The following OS9 variants were observed in gnomAD, a reference collection of about 807,000 sequenced individuals.
The protein encoded by OS9 is OS9 endoplasmic reticulum lectin.
In OS9, 58 loss-of-function variants were observed where a neutral mutation model predicts 84.7. The observed-to-expected ratio is 0.68, with a 90% CI of 0.55 to 0.85. The LOEUF (loss-of-function observed/expected upper bound fraction) is 0.85, where lower values mean the gene tolerates loss of function less well. OS9 is among the 40% of genes least tolerant of loss of function. OS9 has a pLI of 0.00. For synonymous variants in OS9, 278 were observed against 320.8 expected, an observed-to-expected ratio of 0.87 and a Z score of 1.43; for missense variants, 760 against 850.9, an observed-to-expected ratio of 0.89 and a Z score of 1.33.
intron 9 of OS9, among the ~76,000 whole-genome samples, chr12:57,717,240 T>C (rs1954525998): frequency 1.3e-5 from 2 of 152,220 alleles, no homozygotes; most frequent in South Asian, 4.1e-4. Context: ...CCATCTCTCC[T>C]ACCAGAGTGT....
At position 57,719,165 on chromosome 12, in the gene OS9, C is replaced by T. The variant is rs530822607; in HGVS notation, c.1583C>T (p.Pro528Leu). Residue 528 changes from proline to leucine, a missense_variant, in exon 12 of 15, where the codon CCA (proline) becomes CTA (leucine). By Grantham distance (98) the Pro-to-Leu change is moderately conservative. Coordinates refer to ENST00000315970, the MANE Select transcript of OS9 (RefSeq NM_006812.4). The part of the protein sequence containing the change: ...KKRVVPKKPP[P>L]SPQPTEEDPE... ...AGGGTTGTCCCCAAAAAGCCTCCCCCATCACCCCAACCTACAGGTGAGAGC... is the reference window on the plus strand; with the variant it reads ...AGGGTTGTCCCCAAAAAGCCTCCCCTATCACCCCAACCTACAGGTGAGAGC... 59 of 1,614,082 alleles carry T rather than the reference C, an allele frequency of 3.7e-5. No homozygotes were observed. The East Asian group carries it at 1.0e-3, about 29-fold the overall frequency.
chr12:57,709,373 A>T (rs745950450), intron 5 of OS9, among the ~76,000 whole-genome samples: 1 of 152,126 alleles, frequency 6.6e-6, no homozygotes, highest in Non-Finnish European at 1.5e-5. Context: ...CATTTTCATT[A>T]TGGTTTCTAC....
intron 5 of OS9, among the ~76,000 whole-genome samples, chr12:57,704,240 A>G (rs1000192750): frequency 4.6e-5 from 7 of 152,176 alleles, no homozygotes; most frequent in African/African-American, 4.8e-5. Context: ...ATCTATATGT[A>G]TAAAAGATAT....
intron 4 of OS9, 25 bp from the exon 5 acceptor site, chr12:57,696,250 C>A: frequency 6.4e-7 from 1 of 1,558,130 alleles, no homozygotes; most frequent in Non-Finnish European, 8.8e-7. Flanking sequence ...TCATGTCCCC[C>A]ATTCCTGCCT....
intron 5 of OS9, among the ~76,000 whole-genome samples, chr12:57,704,975 A>G (rs1197111464): frequency 6.6e-6 from 1 of 152,192 alleles, no homozygotes; most frequent in Non-Finnish European, 1.5e-5. Context: ...CCTATTTTCC[A>G]CAGTTGCCCC....
chr12:57,702,671 T>C (rs1954060271), intron 5 of OS9, among the ~76,000 whole-genome samples: 1 of 152,224 alleles, frequency 6.6e-6, no homozygotes, highest in South Asian at 2.1e-4. Flanking sequence ...AGCAGTTGCA[T>C]CATTTTACAT....
intron 10 of OS9, 87 bp from the exon 11 acceptor site, chr12:57,718,059 C>T: frequency 6.5e-7 from 1 of 1,536,878 alleles, no homozygotes; most frequent in Non-Finnish European, 8.9e-7. Flanking sequence ...CCCCCAGTAC[C>T]ACACACCTGC....
At chr12:57,695,038 C>A (rs181234195) in intron 2 of OS9, 112 bp downstream of exon 2, 2 of 861,700 alleles carry the variant, frequency 2.3e-6, no homozygotes, top group East Asian at 2.5e-5. Flanking sequence ...GTTAAGAAGA[C>A]CACTGGAGGA....
chr12:57,718,565 G>A (rs185267482), intron 11 of OS9, 144 bp downstream of exon 11: 38 of 841,530 alleles, frequency 4.5e-5, no homozygotes, highest in Middle Eastern at 3.7e-4. Flanking sequence ...CTAATTAATC[G>A]GGGCTGTTGG....
rs775502978 is a variant in OS9, at chr12:57,694,803, G to A, written c.216G>A (p.Glu72=). ...IVSSKYKQRY[E]CRLPAGAIHF... ...CCTCTAAGTACAAACAGCGCTATGA[G>A]TGTCGCCTGCCAGCTGGAGCTATTC... The change falls in exon 2 of 15, where the codon GAG becomes GAA. Residue 72 remains glutamate, a synonymous_variant. Coordinates refer to ENST00000315970, the MANE Select transcript of OS9 (RefSeq NM_006812.4). 6 of 1,614,144 alleles carry A rather than the reference G, an allele frequency of 3.7e-6. No individual in the cohort carries two copies. The highest frequency in any genetic ancestry group is 4.2e-6 in the Non-Finnish European group (5 of 1,180,020).
chr12:57,711,409 C>T (rs745859359), intron 5 of OS9, among the ~76,000 whole-genome samples: 42 of 135,880 alleles, frequency 3.1e-4, no homozygotes, highest in Admixed American at 9.2e-4. Flanking sequence ...TGCAGTGGCG[C>T]GATCTCTGCT....
chr12:57,709,777 G>A (rs1228209033), intron 5 of OS9, among the ~76,000 whole-genome samples: 3 of 151,274 alleles, frequency 2.0e-5, no homozygotes, highest in African/African-American at 2.4e-5. Context: ...GTTTTCTAAT[G>A]TTGCACCAAC....
rs772807349 is a variant in OS9, at chr12:57,715,880, C to T, written c.700C>T (p.Arg234Trp). 15 of 1,613,472 alleles carry T rather than the reference C, an allele frequency of 9.3e-6. No individual in the cohort carries two copies. The highest frequency in any genetic ancestry group is 2.2e-5 in the South Asian group (2 of 90,944). The change falls in exon 6 of 15, where the codon CGG becomes TGG. Residue 234 changes from arginine (R) to tryptophan (W), a missense_variant. Arg to Trp is a moderately radical substitution (Grantham distance 101). Coordinates refer to ENST00000315970, the MANE Select transcript of OS9 (RefSeq NM_006812.4). ...TPRLCPHPLLRPPPSAAPQAI... is the reference protein window; with the variant it reads ...TPRLCPHPLLWPPPSAAPQAI... ...TCGGCTCTGCCCCCACCCTCTCCTC[C>T]GGCCCCCACCCAGTGCTGCACCGCA... is the stretch of plus-strand genomic sequence containing the variant.
intron 14 of OS9, 41 bp from the exon 15 acceptor site, chr12:57,720,743 A>G (rs199927334): frequency 2.4e-5 from 37 of 1,565,334 alleles, no homozygotes; most frequent in Non-Finnish European, 2.9e-5. Context: ...CCTGGGCTCA[A>G]CGGCCAGTAG....
rs201237041 is a variant in OS9, at chr12:57,720,092, C to T, written c.1601-7C>T. The stretch of plus-strand genomic sequence containing the variant: ...TTTGTGTTTCCCTGTGTGTCTCCCC[C>T]TCTAAGAGGAGGATCCTGAGCACAG... On this transcript the variant is annotated splice_polypyrimidine_tract_variant and splice_region_variant and intron_variant, in intron 12 of 14. Coordinates refer to ENST00000315970, the MANE Select transcript of OS9 (RefSeq NM_006812.4). 1.2e-6 allele frequency: 2 copies of T among 1,612,990 alleles called. No individual in the cohort carries two copies. Among genetic ancestry groups the T allele is most frequent in the Non-Finnish European group, 1.7e-6 (2 of 1,179,744 alleles).
At chr12:57,712,021 A>C (rs980048816) in intron 5 of OS9, among the ~76,000 whole-genome samples, 1 of 152,262 alleles carries the variant, frequency 6.6e-6, no homozygotes, top group Non-Finnish European at 1.5e-5. Flanking sequence ...TTTTTATTAC[A>C]GAAACTTAAA....
At chr12:57,703,282 T>G (rs1408655258) in intron 5 of OS9, among the ~76,000 whole-genome samples, 1 of 152,154 alleles carries the variant, frequency 6.6e-6, no homozygotes, top group Non-Finnish European at 1.5e-5. Flanking sequence ...TTTTTTTTCT[T>G]AGAGATGGGG....
chr12:57,706,206 A>G (rs905573622), intron 5 of OS9, among the ~76,000 whole-genome samples: 1 of 152,076 alleles, frequency 6.6e-6, no homozygotes, highest in African/African-American at 2.4e-5. Context: ...GGATATTTTC[A>G]CCATGTATAG....
chr12:57,718,994 C>T lies in OS9; in HGVS notation c.1412C>T (p.Thr471Ile), dbSNP rs1447109288. The change falls in exon 12 of 15, where the codon ACA becomes ATA. Residue 471 changes from threonine (T) to isoleucine (I), a missense_variant and splice_region_variant. Coordinates refer to ENST00000315970, the MANE Select transcript of OS9 (RefSeq NM_006812.4). ...ACTCTCTTCTCTTGGGTATTCCAGA[C>T]AGAGAAAGAGCTGGACCCAGATGGG... is the stretch of plus-strand genomic sequence containing the variant. ...ERELENIIQE[T>I]EKELDPDGLK... 1 of 1,612,086 alleles carries T rather than the reference C, an allele frequency of 6.2e-7. No homozygotes were observed. Among genetic ancestry groups the T allele is most frequent in the Non-Finnish European group, 8.5e-7 (1 of 1,178,950 alleles).
Sources: allele counts gnomAD v4.1 joint callset (sites outside exome capture counted in the v4.1 genomes callset), GRCh38; gene constraint gnomAD v4.1.1; transcripts MANE v1.5; gene names NCBI Gene and HGNC (gene_info 2026-07-23, HGNC 2026-07-21).